Variants in SIAH3 observed in about 807,000 individuals in gnomAD.
The protein encoded by SIAH3 is siah E3 ubiquitin protein ligase family member 3.
SIAH3 carries 9 observed loss-of-function variants against 12.6 expected under a neutral mutation model. The ratio of observed to expected loss-of-function variants is 0.72; its 90% CI spans 0.43 to 1.25. The LOEUF is 1.25. SIAH3 is among the 50% of genes most tolerant of loss of function. SIAH3 has a pLI of 0.00. For missense variants in SIAH3, 390 were observed against 365.4 expected (o/e 1.07, Z -0.55); for synonymous variants, 154 against 151.1 (o/e 1.02, Z -0.14).
At chr13:45,837,793 TAAC>T (rs1296338437) in intron 1 of SIAH3, among the ~76,000 whole-genome samples, 2 of 152,216 alleles carry the variant, frequency 1.3e-5, no homozygotes, top group Non-Finnish European at 2.9e-5. Context: ...GGTGATTAAG[TAAC>T]TTGCCAAGCA....
In SIAH3 at chr13:45,783,799, T is replaced by C. The variant is rs1950514988; in HGVS notation, c.394A>G (p.Arg132Gly). The C allele has an allele frequency of 6.2e-7, 1 of 1,614,040 alleles. No individual in the cohort carries two copies. The highest frequency in any genetic ancestry group is 1.1e-5 in the South Asian group (1 of 91,084). The change falls in exon 2 of 2, where the codon AGG (arginine) becomes GGG (glycine). Residue 132 changes from arginine to glycine, a missense_variant. By Grantham distance (125) the Arg-to-Gly change is moderately radical. Transcript: ENST00000400405. ...VVVPHLRQIHRVDILQGAEIV... is the reference protein window; with the variant it reads ...VVVPHLRQIHGVDILQGAEIV... The stretch of plus-strand genomic sequence containing the variant: ...TCGGCTCCCTGGAGGATGTCAACCC[T>C]ATGGATCTGCCGCAGGTGGGGCACC...
Position 45,847,622 on chromosome 13 carries a change from CGTGT to C in SIAH3, c.135+3869_135+3872del, listed in dbSNP as rs112078778. The stretch of plus-strand genomic sequence containing the variant: ...ATATGCCCCTCCCACTCCATGTGTT[CGTGT>C]GTGTGTGTGTGTGTGTGTGTGTGCA... On this transcript the variant is annotated intron_variant, in intron 1 of 1. Coordinates refer to ENST00000400405, the MANE Select transcript of SIAH3 (RefSeq NM_198849.3). Among the ~76,000 whole-genome samples the C allele has an allele frequency of 3.1e-3, 459 of 146,934 alleles. 3 individuals are homozygous for C. Among genetic ancestry groups the C allele is most frequent in the Middle Eastern group, 7.0e-3 (2 of 286 alleles).
In SIAH3 at chr13:45,819,990, T is replaced by G. The variant is rs552329640; in HGVS notation, c.135+31505A>C. Among the ~76,000 whole-genome samples, 46 of 152,266 alleles carry G rather than the reference T, an allele frequency of 3.0e-4. No homozygotes were observed. In the South Asian group the frequency reaches 5.0e-3, roughly 16 times the overall value. Reference sequence around the variant, plus strand: ...GAGATGGTGCCTCGCTGCTGCATCCTCTGAGGAAAGGAACGCCGTGTCCTC... The same window carrying G: ...GAGATGGTGCCTCGCTGCTGCATCCGCTGAGGAAAGGAACGCCGTGTCCTC... On this transcript the variant is annotated intron_variant, in intron 1 of 1. Coordinates refer to ENST00000400405, the MANE Select transcript of SIAH3 (RefSeq NM_198849.3).
intron 1 of SIAH3, among the ~76,000 whole-genome samples, chr13:45,846,562 AT>A (rs1246635636): frequency 1.3e-5 from 2 of 151,920 alleles, no homozygotes; most frequent in Non-Finnish European, 2.9e-5. Context: ...CAGACAGTTA[AT>A]TTTTTTTCTT....
Position 45,784,471 on chromosome 13 carries a change from AT to A in SIAH3, c.136-415del, listed in dbSNP as rs60025873. ...TTGTGCAGGCAATGGAGGTCAATAG[AT>A]TTTTTTTTTCTATTTTGTCATAGTT... On this transcript the variant is annotated intron_variant, in intron 1 of 1. Coordinates refer to ENST00000400405, the MANE Select transcript of SIAH3 (RefSeq NM_198849.3). Among the ~76,000 whole-genome samples, 1,124 of 128,084 alleles carry A rather than the reference AT, an allele frequency of 8.8e-3. 17 individuals are homozygous for A. Among genetic ancestry groups the A allele is most frequent in the African/African-American group, 0.028 (935 of 32,844 alleles). 84.0% of individuals were successfully genotyped at this position (128,084 alleles called of 152,430 possible).
chr13:45,830,141 A>G (rs1003509570), intron 1 of SIAH3, among the ~76,000 whole-genome samples: 4 of 152,238 alleles, frequency 2.6e-5, no homozygotes, highest in Non-Finnish European at 5.9e-5. Context: ...TTGGAGTTCT[A>G]GAATACGTCC....
chr13:45,810,660 T>C (rs181998500), intron 1 of SIAH3, among the ~76,000 whole-genome samples: 1 of 152,296 alleles, frequency 6.6e-6, no homozygotes, highest in Non-Finnish European at 1.5e-5. Context: ...TGCTGCAGTA[T>C]GATGGGAGTC....
rs534558442 is a variant in SIAH3, at chr13:45,796,797, C to G, written c.136-12740G>C. 9.8e-5 allele frequency among the ~76,000 whole-genome samples: 15 copies of G among 152,318 alleles called. No homozygotes were observed. The East Asian group carries it at 2.7e-3, about 27-fold the overall frequency. On this transcript the variant is annotated intron_variant, in intron 1 of 1. Transcript: ENST00000400405. ...CTCTGCAATGTGGCTCTCCTCACAC[C>G]GAGCTGAGGGACGGAGCAGCCACAG... is the stretch of plus-strand genomic sequence containing the variant.
chr13:45,792,433 T>C (rs907261873), intron 1 of SIAH3, among the ~76,000 whole-genome samples: 6 of 151,726 alleles, frequency 4.0e-5, no homozygotes, highest in East Asian at 3.9e-4. Context: ...TCTTGGCTCA[T>C]TGCAACCTTC....
Position 45,851,639 on chromosome 13 carries a change from TG to T in SIAH3, c.-11del, listed in dbSNP as rs766791608. On this transcript the variant is annotated 5_prime_UTR_variant, in exon 1 of 2. Transcript: ENST00000400405. ...GGGTAAAGAAAAGCATCACAACTTTTGGGGGGTTGTTGGTCCGGGAAGGCAG... is the reference window on the plus strand; with the variant it reads ...GGGTAAAGAAAAGCATCACAACTTTTGGGGGTTGTTGGTCCGGGAAGGCAG... 17 of 1,613,994 alleles carry T rather than the reference TG, an allele frequency of 1.1e-5. No homozygotes were observed. Among genetic ancestry groups the T allele is most frequent in the South Asian group, 4.4e-5 (4 of 91,064 alleles).
intron 1 of SIAH3, among the ~76,000 whole-genome samples, chr13:45,805,720 G>C (rs995449882): frequency 2.0e-5 from 3 of 152,078 alleles, no homozygotes; most frequent in African/African-American, 7.2e-5. Context: ...GACAGAAATT[G>C]ACAAGTAGGA....
At chr13:45,793,090 C>G (rs1950551414) in intron 1 of SIAH3, among the ~76,000 whole-genome samples, 1 of 152,194 alleles carries the variant, frequency 6.6e-6, no homozygotes, top group Non-Finnish European at 1.5e-5. Context: ...GACTGGACAC[C>G]ATGTCCAGAG....
chr13:45,823,693 A>G (rs1950664174), intron 1 of SIAH3, among the ~76,000 whole-genome samples: 1 of 152,192 alleles, frequency 6.6e-6, no homozygotes, highest in Non-Finnish European at 1.5e-5. Context: ...ATCACTCAGC[A>G]CTATCCTACC....
chr13:45,847,864 G>T (rs567835220), intron 1 of SIAH3, among the ~76,000 whole-genome samples: 71 of 152,222 alleles, frequency 4.7e-4, no homozygotes, highest in African/African-American at 1.3e-3. Flanking sequence ...AAGTGCTGAT[G>T]ACTGACCCCA....
intron 1 of SIAH3, among the ~76,000 whole-genome samples, chr13:45,799,067 T>C (rs1226421561): frequency 6.6e-6 from 1 of 152,190 alleles, no homozygotes; most frequent in Non-Finnish European, 1.5e-5. Context: ...CAGCACTAGA[T>C]CCTGGCCAAG....
intron 1 of SIAH3, among the ~76,000 whole-genome samples, chr13:45,795,970 C>G (rs755859414): frequency 5.3e-5 from 8 of 152,134 alleles, no homozygotes; most frequent in Non-Finnish European, 1.2e-4. Context: ...AAGCTAGACA[C>G]AGAAGAGTAC....
intron 1 of SIAH3, among the ~76,000 whole-genome samples, chr13:45,819,803 G>T (rs1246588025): frequency 6.6e-6 from 1 of 152,056 alleles, no homozygotes; most frequent in East Asian, 1.9e-4. Context: ...CCACTTCCAG[G>T]GCCTGCAGGA....
intron 1 of SIAH3, among the ~76,000 whole-genome samples, chr13:45,822,820 C>T (rs920545037): frequency 1.3e-5 from 2 of 151,940 alleles, no homozygotes; most frequent in Admixed American, 6.5e-5. Context: ...TTTAAAGTGC[C>T]GTGTTCTTGC....
In SIAH3 at chr13:45,780,880, A is replaced by G. The variant is rs1425423436; in HGVS notation, c.*2503T>C. On this transcript the variant is annotated 3_prime_UTR_variant, in exon 2 of 2. Coordinates refer to ENST00000400405, the MANE Select transcript of SIAH3 (RefSeq NM_198849.3). ...AGGATTAACCTGAGACTCAAATCAA[A>G]GAGCCCTTCAGGAACTGTGAAGCTC... The G allele has an allele frequency of 6.6e-6, 1 of 152,210 alleles. No individual in the cohort carries two copies. The highest frequency in any genetic ancestry group is 2.4e-5 in the African/African-American group (1 of 41,462). The allele number at this position is 152,210 out of a possible 1,614,324, so 9.4% of individuals were successfully genotyped here. A position where few individuals can be genotyped will look rare whatever the true frequency, so the allele number is the denominator to read the frequency against.
Sources: gnomAD v4.1 joint callset for allele counts (sites outside exome capture counted in the v4.1 genomes callset) on GRCh38, gnomAD v4.1.1 for gene constraint, MANE v1.5 for transcripts, NCBI Gene and HGNC (gene_info 2026-07-23, HGNC 2026-07-21) for gene names.